The following NOPCHAP1 variants were observed in gnomAD, a reference collection of about 807,000 sequenced individuals.
NOPCHAP1 encodes the protein NOP protein chaperone 1.
In NOPCHAP1, 13 loss-of-function variants were observed where a neutral mutation model predicts 14.0. The observed-to-expected ratio is 0.93, with a 90% confidence interval of 0.60 to 1.47. NOPCHAP1 has a LOEUF of 1.47. Among genes scored for constraint, NOPCHAP1 ranks in the 40% most tolerant of loss-of-function variants. The pLI is 0.00. For missense variants in NOPCHAP1, 230 were observed against 226.9 expected (o/e 1.01, Z -0.09); for synonymous variants, 78 against 78.4 (o/e 1.00, Z 0.03).
chr12:105,008,807 AT>A lies in NOPCHAP1; in HGVS notation c.*14114del, dbSNP rs1176745612. ...CAGATGGTTGTAGATGTGTGGTATTATTTCTGAGGCCTCTGTTCTGTTCTGT... is the reference window on the plus strand; with the variant it reads ...CAGATGGTTGTAGATGTGTGGTATTATTCTGAGGCCTCTGTTCTGTTCTGT... On this transcript the variant is annotated 3_prime_UTR_variant, in exon 4 of 4. Transcript: ENST00000552951. 2 of 152,040 alleles carry A rather than the reference AT, an allele frequency of 1.3e-5. No homozygotes were observed. The highest frequency in any genetic ancestry group is 2.9e-5 in the Non-Finnish European group (2 of 68,004). The allele number at this position is 152,040 out of a possible 1,614,324, so 9.4% of individuals were successfully genotyped here. A position where few individuals can be genotyped will look rare whatever the true frequency, so the allele number is the denominator to read the frequency against.
In NOPCHAP1 at chr12:105,002,541, A is replaced by C. The variant is rs928516086; in HGVS notation, c.*7845A>C. 1.3e-5 allele frequency: 2 copies of C among 152,192 alleles called. No homozygotes were observed. The highest frequency in any genetic ancestry group is 6.5e-5 in the Admixed American group (1 of 15,278). 9.4% of individuals were successfully genotyped at this position (152,192 alleles called of 1,614,324 possible). ...TTTTGTCTATGAGATTGTATGATGGACCAATCAATTTTTTGTAGCAAAATC... is the reference window on the plus strand; with the variant it reads ...TTTTGTCTATGAGATTGTATGATGGCCCAATCAATTTTTTGTAGCAAAATC... On this transcript the variant is annotated 3_prime_UTR_variant, in exon 4 of 4. Coordinates refer to ENST00000552951, the MANE Select transcript of NOPCHAP1 (RefSeq NM_152318.3).
At chr12:104,992,851 C>A (rs908184179) in intron 3 of NOPCHAP1, among the ~76,000 whole-genome samples, 2 of 152,152 alleles carry the variant, frequency 1.3e-5, no homozygotes, top group African/African-American at 4.8e-5. Context: ...ATCCCCAAAA[C>A]ATCCCTGCCA....
intron 3 of NOPCHAP1, among the ~76,000 whole-genome samples, chr12:104,993,056 C>T (rs1265559726): frequency 6.6e-6 from 1 of 152,204 alleles, no homozygotes; most frequent in Non-Finnish European, 1.5e-5. Flanking sequence ...CATTTCGACT[C>T]CCTCTGTTTC....
chr12:105,001,638 A>G lies in NOPCHAP1; in HGVS notation c.*6942A>G, dbSNP rs1407331211. ...AGCAGATTTACTGGGGCAGTATCAC[A>G]TAATTAAAAAGTATGATTTTCTGTA... On this transcript the variant is annotated 3_prime_UTR_variant, in exon 4 of 4. Coordinates refer to ENST00000552951, the MANE Select transcript of NOPCHAP1 (RefSeq NM_152318.3). 4 of 152,202 alleles carry G rather than the reference A, an allele frequency of 2.6e-5. No individual in the cohort carries two copies. Among genetic ancestry groups the G allele is most frequent in the Non-Finnish European group, 5.9e-5 (4 of 68,024 alleles). 9.4% of individuals were successfully genotyped at this position (152,202 alleles called of 1,614,324 possible).
intron 3 of NOPCHAP1, among the ~76,000 whole-genome samples, chr12:104,993,869 A>G (rs371055299): frequency 6.6e-6 from 1 of 152,170 alleles, no homozygotes; most frequent in South Asian, 2.1e-4. Flanking sequence ...TTGAGTCTCT[A>G]GTACCTAGTG....
At chr12:104,990,389 A>G (rs1419314722) in intron 2 of NOPCHAP1, among the ~76,000 whole-genome samples, 1 of 152,256 alleles carries the variant, frequency 6.6e-6, no homozygotes, top group Admixed American at 6.5e-5. Context: ...GGACAGAGAA[A>G]TACCTTTATT....
chr12:104,994,093 G>C (rs1026516143), intron 3 of NOPCHAP1, among the ~76,000 whole-genome samples: 1 of 152,132 alleles, frequency 6.6e-6, no homozygotes, highest in African/African-American at 2.4e-5. Flanking sequence ...GCCTGTAATT[G>C]CAGCGCTTTG....
chr12:105,009,746 G>C lies in NOPCHAP1; in HGVS notation c.*15050G>C, dbSNP rs1873777618. 6.6e-6 allele frequency: 1 copy of C among 152,166 alleles called. No individual in the cohort carries two copies. 9.4% of individuals were successfully genotyped at this position (152,166 alleles called of 1,614,324 possible). On this transcript the variant is annotated 3_prime_UTR_variant, in exon 4 of 4. Coordinates refer to ENST00000552951, the MANE Select transcript of NOPCHAP1 (RefSeq NM_152318.3). Reference sequence around the variant, plus strand: ...TCATGTGCTTTTTGTCATTGGTTCTGTTTATGTGATGGATTATGTTTATTG... The same window carrying C: ...TCATGTGCTTTTTGTCATTGGTTCTCTTTATGTGATGGATTATGTTTATTG...
rs905292918 is a variant in NOPCHAP1 at position 105,007,270 on chromosome 12, C to G, written c.*12574C>G. 1 of 152,102 alleles carries G rather than the reference C, an allele frequency of 6.6e-6. No individual in the cohort carries two copies. The highest frequency in any genetic ancestry group is 2.4e-5 in the African/African-American group (1 of 41,404). 9.4% of individuals were successfully genotyped at this position (152,102 alleles called of 1,614,324 possible). A position where few individuals can be genotyped will look rare whatever the true frequency, so the allele number is the denominator to read the frequency against. ...ACAAAAAGATTTTTGTGCCCGCTAG[C>G]GTAGCTGCAGCAATGGCTTCACAAA... On this transcript the variant is annotated 3_prime_UTR_variant, in exon 4 of 4. Transcript: ENST00000552951.
chr12:105,001,880 GTTTA>G lies in NOPCHAP1; in HGVS notation c.*7188_*7191del, dbSNP rs1873617723. ...TTTGTTTTAACTTTTGTTTTTCCAT[GTTTA>G]TTTCTTTTCTTTTTTTAATAGTACT... On this transcript the variant is annotated 3_prime_UTR_variant, in exon 4 of 4. Coordinates refer to ENST00000552951, the MANE Select transcript of NOPCHAP1 (RefSeq NM_152318.3). 6.6e-6 allele frequency: 1 copy of G among 152,024 alleles called. No individual in the cohort carries two copies. The highest frequency in any genetic ancestry group is 1.5e-5 in the Non-Finnish European group (1 of 67,982). 9.4% of individuals were successfully genotyped at this position (152,024 alleles called of 1,614,324 possible).
rs1401759641 is a variant in NOPCHAP1 at position 105,010,516 on chromosome 12, A to G, written c.*15820A>G. Reference sequence around the variant, plus strand: ...TCTTAGTTATTTCTTGTCTTCTGCTAGCTTTTGAATTTGCTTGCTCTCGCT... The same window carrying G: ...TCTTAGTTATTTCTTGTCTTCTGCTGGCTTTTGAATTTGCTTGCTCTCGCT... On this transcript the variant is annotated 3_prime_UTR_variant, in exon 4 of 4. Coordinates refer to ENST00000552951, the MANE Select transcript of NOPCHAP1 (RefSeq NM_152318.3). 6.6e-6 allele frequency: 1 copy of G among 152,102 alleles called. No individual in the cohort carries two copies. The highest frequency in any genetic ancestry group is 1.5e-5 in the Non-Finnish European group (1 of 68,030). 9.4% of individuals were successfully genotyped at this position (152,102 alleles called of 1,614,324 possible).
In NOPCHAP1 at chr12:105,013,247, A is replaced by G. The variant is rs994783060; in HGVS notation, c.*18551A>G. The G allele has an allele frequency of 6.6e-6, 1 of 152,234 alleles. No individual in the cohort carries two copies. The highest frequency in any genetic ancestry group is 1.5e-5 in the Non-Finnish European group (1 of 68,072). The allele number at this position is 152,234 out of a possible 1,614,324, so 9.4% of individuals were successfully genotyped here. On this transcript the variant is annotated 3_prime_UTR_variant, in exon 4 of 4. Transcript: ENST00000552951. ...GCCGCACTGTGGTGGGCTCTGCCCAATTTGAATTTCCCTGTGGCTTTATTT... is the reference window on the plus strand; with the variant it reads ...GCCGCACTGTGGTGGGCTCTGCCCAGTTTGAATTTCCCTGTGGCTTTATTT...
intron 1 of NOPCHAP1, among the ~76,000 whole-genome samples, chr12:104,987,405 T>C (rs901145428): frequency 1.3e-5 from 2 of 152,210 alleles, no homozygotes; most frequent in Non-Finnish European, 2.9e-5. Context: ...GGACTTGAAT[T>C]CAAGTAGTCT....
At chr12:104,989,318 T>G (rs1056326983) in intron 2 of NOPCHAP1, among the ~76,000 whole-genome samples, 3 of 152,244 alleles carry the variant, frequency 2.0e-5, no homozygotes, top group Non-Finnish European at 4.4e-5. Context: ...CTGCTGGAGA[T>G]AGACTTACCA....
rs951166484 is a variant in NOPCHAP1, at chr12:105,017,540, G to A, written c.*22844G>A. ...AAAAAAATGTAAGAAAAGAGGTTGA[G>A]TCTTATTTTCATTTGTATTTCTCTC... On this transcript the variant is annotated 3_prime_UTR_variant, in exon 4 of 4. Coordinates refer to ENST00000552951, the MANE Select transcript of NOPCHAP1 (RefSeq NM_152318.3). 2.7e-5 allele frequency: 4 copies of A among 150,140 alleles called. No homozygotes were observed. The highest frequency in any genetic ancestry group is 5.9e-5 in the Non-Finnish European group (4 of 67,660). The allele number at this position is 150,140 out of a possible 1,614,324, so 9.3% of individuals were successfully genotyped here.
chr12:104,991,582 A>G (rs1437905637), intron 2 of NOPCHAP1, 130 bp from the exon 3 acceptor site: 4 of 926,562 alleles, frequency 4.3e-6, no homozygotes, highest in African/African-American at 1.7e-5. Flanking sequence ...GGGTTTTTAA[A>G]TGAAGGGAAC....
chr12:104,992,843 C>G (rs923084333), intron 3 of NOPCHAP1, among the ~76,000 whole-genome samples: 1 of 152,142 alleles, frequency 6.6e-6, no homozygotes, highest in East Asian at 1.9e-4. Flanking sequence ...ACAGTTTCAT[C>G]CCCAAAACAT....
In NOPCHAP1 at chr12:105,016,003, T is replaced by TAAAA. The variant is rs768230767; in HGVS notation, c.*21309_*21312dup. 23 of 148,960 alleles carry TAAAA rather than the reference T, an allele frequency of 1.5e-4. No individual in the cohort carries two copies. Among genetic ancestry groups the TAAAA allele is most frequent in the African/African-American group, 5.7e-4 (23 of 40,464 alleles). 9.2% of individuals were successfully genotyped at this position (148,960 alleles called of 1,614,324 possible). A position where few individuals can be genotyped will look rare whatever the true frequency, so the allele number is the denominator to read the frequency against. On this transcript the variant is annotated 3_prime_UTR_variant, in exon 4 of 4. Coordinates refer to ENST00000552951, the MANE Select transcript of NOPCHAP1 (RefSeq NM_152318.3). The stretch of plus-strand genomic sequence containing the variant: ...CAAGAAAGGTTTTTTTTTTTTTTTT[T>TAAAA]AAAAAGCATAACATCAAAGCCTAAA...
Position 105,007,000 on chromosome 12 carries a change from C to T in NOPCHAP1, c.*12304C>T, listed in dbSNP as rs1873721826. 1 of 151,074 alleles carries T rather than the reference C, an allele frequency of 6.6e-6. No homozygotes were observed. The highest frequency in any genetic ancestry group is 6.6e-5 in the Admixed American group (1 of 15,168). The allele number at this position is 151,074 out of a possible 1,614,324, so 9.4% of individuals were successfully genotyped here. On this transcript the variant is annotated 3_prime_UTR_variant, in exon 4 of 4. Transcript: ENST00000552951. ...AACTTGGCTGGTGCCTCTTGGTCAG[C>T]AGAAGCTGTTTCTTCTATTATCTTG... is the stretch of plus-strand genomic sequence containing the variant.
Sources: allele counts gnomAD v4.1 joint callset (sites outside exome capture counted in the v4.1 genomes callset), GRCh38; gene constraint gnomAD v4.1.1; transcripts MANE v1.5; gene names NCBI Gene and HGNC (gene_info 2026-07-23, HGNC 2026-07-21).